The following UNC13A variants were observed in gnomAD, a reference collection of about 807,000 sequenced individuals.
UNC13A encodes the protein protein unc-13 homolog A.
Under a neutral mutation model 219.7 loss-of-function variants are expected in UNC13A, and 61 were observed. The observed-to-expected ratio is 0.28, with a 90% CI of 0.23 to 0.34. The LOEUF (loss-of-function observed/expected upper bound fraction) is 0.34. UNC13A is among the 10% of genes least tolerant of loss of function. UNC13A has a pLI of 1.00. For synonymous variants in UNC13A, 920 were observed against 884.6 expected, an observed-to-expected ratio of 1.04 and a Z score of -0.71; for missense variants, 1,476 against 2,270.3, an observed-to-expected ratio of 0.65 and a Z score of 7.11.
intron 42 of UNC13A, among the ~76,000 whole-genome samples, chr19:17,610,350 C>T (rs879484576): frequency 6.6e-6 from 1 of 152,126 alleles, no homozygotes; most frequent in Non-Finnish European, 1.5e-5. Flanking sequence ...CCTGTAGTCC[C>T]ACATACTTGT....
At chr19:17,655,482 T>G in intron 10 of UNC13A, 100 bp from the exon 11 acceptor site, 3 of 962,692 alleles carry the variant, frequency 3.1e-6, no homozygotes, top group Non-Finnish European at 4.7e-6. Flanking sequence ...CTCCCCATGG[T>G]ATCTCTGACC....
At chr19:17,650,902 G>T (rs1348610370) in intron 12 of UNC13A, among the ~76,000 whole-genome samples, 1 of 150,938 alleles carries the variant, frequency 6.6e-6, no homozygotes, top group Non-Finnish European at 1.5e-5. Flanking sequence ...GAGTAGCTGG[G>T]ACCATAGGTG....
chr19:17,655,505 T>G (rs947365358), intron 10 of UNC13A, 123 bp from the exon 11 acceptor site: 1 of 828,830 alleles, frequency 1.2e-6, no homozygotes, highest in Non-Finnish European at 1.9e-6. Context: ...TCAGAGACAT[T>G]AGGACCCACG....
In UNC13A at chr19:17,655,339, A is replaced by C. The variant is rs1490213991; in HGVS notation, c.1327T>G (p.Ser443Ala). 6.3e-7 allele frequency: 1 copy of C among 1,592,100 alleles called. No individual in the cohort carries two copies. The highest frequency in any genetic ancestry group is 1.3e-5 in the African/African-American group (1 of 74,516). ...CAGTTGGCCTTGGCCCTGGACATGG[A>C]GTCCTGCCCCTCCTGGCCTTCCTCA... ...EDEEGQEGQD[S>A]MSRAKANWLR... The change falls in exon 11 of 44, where the codon TCC (serine) becomes GCC (alanine). Residue 443 changes from serine (S) to alanine (A), a missense_variant. This residue lies in a region of UNC13A where 351 missense variants were observed against 342.6 expected (regional missense o/e 1.02). Transcript: ENST00000519716.
intron 5 of UNC13A, among the ~76,000 whole-genome samples, chr19:17,668,917 T>C (rs2079719859): frequency 6.6e-6 from 1 of 152,200 alleles, no homozygotes; most frequent in African/African-American, 2.4e-5. Context: ...TGCCTCAGCC[T>C]CCCAAATAGT....
chr19:17,626,864 G>T (rs1313490579), intron 33 of UNC13A, 79 bp from the exon 34 acceptor site: 1 of 1,505,916 alleles, frequency 6.6e-7, no homozygotes, highest in African/African-American at 1.4e-5. Flanking sequence ...GGTCCTTGAG[G>T]TCATATCATT....
chr19:17,644,593 G>C (rs928199142), intron 19 of UNC13A, among the ~76,000 whole-genome samples: 2 of 140,596 alleles, frequency 1.4e-5, no homozygotes, highest in Admixed American at 7.6e-5. Flanking sequence ...GCTTGATCTC[G>C]CCATGTTGGA....
At chr19:17,675,630 C>CAAAAAA (rs35996994) in intron 2 of UNC13A, among the ~76,000 whole-genome samples, 4 of 127,648 alleles carry the variant, frequency 3.1e-5, no homozygotes, top group African/African-American at 1.1e-4. Context: ...GACTCTGTCT[C>CAAAAAA]AAAAAAAAAA....
chr19:17,658,207 T>A lies in UNC13A; in HGVS notation c.622A>T (p.Ser208Cys), dbSNP rs201614698. The change falls in exon 9 of 44, where the codon AGC (serine) becomes TGC (cysteine). Residue 208 changes from serine (S) to cysteine (C), a missense_variant. Ser to Cys is a moderately radical substitution (Grantham distance 112). This residue lies in a region of UNC13A where 203 missense variants were observed against 301.6 expected (regional missense o/e 0.67). Coordinates refer to ENST00000519716, the MANE Select transcript of UNC13A (RefSeq NM_001080421.3). ...GTAGTATAATAGGGCGGCGGGATGC[T>A]GTTGCTCGTTTCACTGCGGTAGTCA... ...DSDYRSETSN[S>C]IPPPYYTTSQ... 5 of 1,613,970 alleles carry A rather than the reference T, an allele frequency of 3.1e-6. 1 individual carries two copies. Among genetic ancestry groups the A allele is most frequent in the Non-Finnish European group, 4.2e-6 (5 of 1,179,870 alleles).
At chr19:17,652,812 A>C in intron 11 of UNC13A, 135 bp from the exon 12 acceptor site, 3 of 920,346 alleles carry the variant, frequency 3.3e-6, no homozygotes, top group Non-Finnish European at 5.1e-6. Context: ...GAGTGATTTT[A>C]GGAAGCTCCG....
intron 1 of UNC13A, among the ~76,000 whole-genome samples, chr19:17,683,084 A>T (rs2080048640): frequency 6.6e-6 from 1 of 151,952 alleles, no homozygotes; most frequent in South Asian, 2.1e-4. Flanking sequence ...AATAAATAGA[A>T]AGAAGAAGGC....
chr19:17,634,031 A>G (rs780906583), intron 26 of UNC13A, among the ~76,000 whole-genome samples: 2 of 151,478 alleles, frequency 1.3e-5, no homozygotes, highest in African/African-American at 2.4e-5. Context: ...CTATTCATCC[A>G]TCCACTCAAC....
chr19:17,643,900 G>T (rs751951780), intron 19 of UNC13A, among the ~76,000 whole-genome samples: 1 of 151,996 alleles, frequency 6.6e-6, no homozygotes, highest in Non-Finnish European at 1.5e-5. Flanking sequence ...TCCTGGGTCT[G>T]TGCCTCTCTC....
At chr19:17,676,534 G>T (rs11670235) in intron 1 of UNC13A, among the ~76,000 whole-genome samples, 98 of 152,286 alleles carry the variant, frequency 6.4e-4, no homozygotes, top group Non-Finnish European at 1.3e-3. Context: ...AAGTTGAGGA[G>T]GTGGAGAAGA....
rs1031321756 is a variant in UNC13A, at chr19:17,688,290, C to T, written c.-91G>A. ...GCTGGGCTGGGGCATCTCCCGGCTG[C>T]AGCCCGCGCTTGGCTCACGCCGGGG... is the stretch of plus-strand genomic sequence containing the variant. On this transcript the variant is annotated 5_prime_UTR_variant, in exon 1 of 44. Transcript: ENST00000519716. 8 of 1,354,700 alleles carry T rather than the reference C, an allele frequency of 5.9e-6. No homozygotes were observed. The African/African-American group carries it at 1.2e-4, about 21-fold the overall frequency. The allele number at this position is 1,354,700 out of a possible 1,614,324, so 83.9% of individuals were successfully genotyped here.
At chr19:17,685,622 C>T (rs924986003) in intron 1 of UNC13A, among the ~76,000 whole-genome samples, 1 of 152,214 alleles carries the variant, frequency 6.6e-6, no homozygotes, top group African/African-American at 2.4e-5. Context: ...ATATCTGTAG[C>T]GGCAGACTGT....
At chr19:17,661,102 C>A (rs56857389) in intron 8 of UNC13A, among the ~76,000 whole-genome samples, 9,295 of 114,214 alleles carry the variant, frequency 0.081, 515 homozygotes, top group African/African-American at 0.16. Flanking sequence ...CCACACCCGG[C>A]CCTTTTTTTT....
intron 28 of UNC13A, 21 bp from the exon 29 acceptor site, chr19:17,630,771 G>A (rs763407528): frequency 1.2e-6 from 2 of 1,604,974 alleles, no homozygotes; most frequent in South Asian, 1.1e-5. Flanking sequence ...GAGCCGGGGT[G>A]GGGCTCTGCC....
chr19:17,671,003 C>T (rs2079777946), intron 4 of UNC13A, among the ~76,000 whole-genome samples: 1 of 151,822 alleles, frequency 6.6e-6, no homozygotes, highest in Admixed American at 6.6e-5. Context: ...CCAGTCCCTC[C>T]TCTATGCCTG....
Sources: allele counts gnomAD v4.1 joint callset (sites outside exome capture counted in the v4.1 genomes callset), GRCh38; gene constraint gnomAD v4.1.1; regional missense constraint gnomAD v4.1.1; transcripts MANE v1.5; gene names NCBI Gene and HGNC (gene_info 2026-07-23, HGNC 2026-07-21).